The following XPR1 variants were observed in gnomAD, a reference collection of about 807,000 sequenced individuals.
The protein encoded by XPR1 is xenotropic and polytropic retrovirus receptor 1, also known as solute carrier family 53 member 1.
Under a neutral mutation model 87.5 loss-of-function variants are expected in XPR1, and 28 were observed. That is an observed-to-expected ratio of 0.32 (90% CI 0.24 to 0.44). The LOEUF (loss-of-function observed/expected upper bound fraction) is 0.44, where lower values mean the gene tolerates loss of function less well. Among genes scored for constraint, XPR1 ranks in the 20% least tolerant of loss-of-function variants. The probability of loss-of-function intolerance (pLI) is 1.00; values close to 1 mark genes in which losing one functional copy is unlikely to be tolerated. For synonymous variants in XPR1, 300 were observed against 306.1 expected (o/e 0.98, Z 0.21); for missense variants, 559 against 862.3 (o/e 0.65, Z 4.41).
chr1:180,786,024 G>A (rs1319655030), intron 2 of XPR1, among the ~76,000 whole-genome samples: 3 of 151,380 alleles, frequency 2.0e-5, no homozygotes, highest in Non-Finnish European at 4.4e-5. Flanking sequence ...AATTCCCGGT[G>A]ACCTTGGGCA....
chr1:180,732,318 G>C (rs1658583406), intron 2 of XPR1, among the ~76,000 whole-genome samples: 2 of 151,358 alleles, frequency 1.3e-5, no homozygotes, highest in South Asian at 4.2e-4. Context: ...CTATGAATTT[G>C]ATACATTTTC....
At chr1:180,760,822 A>G (rs1647992698) in intron 2 of XPR1, among the ~76,000 whole-genome samples, 1 of 152,224 alleles carries the variant, frequency 6.6e-6, no homozygotes, top group South Asian at 2.1e-4. Context: ...ATCCTAAGCC[A>G]AAAGAAGAAA....
intron 1 of XPR1, among the ~76,000 whole-genome samples, chr1:180,670,634 G>A (rs1656137199): frequency 6.6e-6 from 1 of 152,148 alleles, no homozygotes; most frequent in Non-Finnish European, 1.5e-5. Flanking sequence ...AAAAAATGTA[G>A]TTAAGAACTG....
chr1:180,659,096 CTCCCTCCCTCCCTTCCTCCCTCCCTCCT>C (rs1460436730), intron 1 of XPR1, among the ~76,000 whole-genome samples: 7 of 144,908 alleles, frequency 4.8e-5, no homozygotes, highest in African/African-American at 1.9e-4. Flanking sequence ...TCCTTCCTCC[CTCCCTCCCTCCCTTCCTCCCTCCCTCCT>C]TCCCTCCCTC....
At chr1:180,745,242 A>G (rs1184613429) in intron 2 of XPR1, among the ~76,000 whole-genome samples, 1 of 152,130 alleles carries the variant, frequency 6.6e-6, no homozygotes, top group Non-Finnish European at 1.5e-5. Flanking sequence ...CTGGTCAGAT[A>G]ACTAGGGCTT....
chr1:180,755,740 T>C (rs1194481315), intron 2 of XPR1, among the ~76,000 whole-genome samples: 1 of 152,238 alleles, frequency 6.6e-6, no homozygotes. Flanking sequence ...CCTATTTTTT[T>C]ATGTGCCCTG....
chr1:180,842,887 A>G (rs1651563674), intron 11 of XPR1, among the ~76,000 whole-genome samples: 1 of 152,154 alleles, frequency 6.6e-6, no homozygotes, highest in East Asian at 1.9e-4. Flanking sequence ...ACTTTTTGTT[A>G]GTGTTTGCTA....
intron 11 of XPR1, among the ~76,000 whole-genome samples, chr1:180,848,613 T>C (rs1651767455): frequency 6.6e-6 from 1 of 152,214 alleles, no homozygotes; most frequent in Non-Finnish European, 1.5e-5. Flanking sequence ...TGAATAGTGC[T>C]GCAGTAAACA....
intron 2 of XPR1, among the ~76,000 whole-genome samples, chr1:180,743,164 GTTATTA>G (rs964040022): frequency 3.4e-5 from 5 of 146,696 alleles, no homozygotes; most frequent in African/African-American, 7.5e-5. Flanking sequence ...CTACCATTTT[GTTATTA>G]TTATTATTTT....
At position 180,776,456 on chromosome 1, in the gene XPR1, TTG is replaced by T. The variant is rs1453050461; in HGVS notation, c.122-11295_122-11294del. Among the ~76,000 whole-genome samples, 4 of 151,994 alleles carry T rather than the reference TTG, an allele frequency of 2.6e-5. No homozygotes were observed. In the East Asian group the frequency reaches 7.7e-4, roughly 29 times the overall value. On this transcript the variant is annotated intron_variant, in intron 2 of 14. Transcript: ENST00000367590. ...ACAATTGGATTGTATAATGGAATAA[TTG>T]TATAATGGAAATTATACAATTTCCA...
intron 13 of XPR1, among the ~76,000 whole-genome samples, chr1:180,875,616 A>G (rs1571249877): frequency 1.3e-5 from 2 of 152,098 alleles, no homozygotes; most frequent in East Asian, 3.8e-4. Flanking sequence ...GGAAATGTGT[A>G]ACTTTACATG....
At chr1:180,794,481 G>A (rs1000186115) in intron 3 of XPR1, among the ~76,000 whole-genome samples, 2 of 152,182 alleles carry the variant, frequency 1.3e-5, no homozygotes, top group African/African-American at 4.8e-5. Flanking sequence ...AAATACACCT[G>A]TTGTGTGTAT....
chr1:180,862,704 A>G (rs1652262953), intron 11 of XPR1, among the ~76,000 whole-genome samples: 1 of 152,176 alleles, frequency 6.6e-6, no homozygotes, highest in African/African-American at 2.4e-5. Context: ...AATATAACCT[A>G]AAAGTGGTTA....
At chr1:180,684,911 T>A (rs1429683049) in intron 2 of XPR1, among the ~76,000 whole-genome samples, 1 of 152,178 alleles carries the variant, frequency 6.6e-6, no homozygotes, top group African/African-American at 2.4e-5. Flanking sequence ...TTTCTAGATA[T>A]ACAATCATGT....
intron 2 of XPR1, among the ~76,000 whole-genome samples, chr1:180,781,225 C>T (rs1175893727): frequency 3.3e-5 from 5 of 151,356 alleles, no homozygotes; most frequent in Admixed American, 1.3e-4. Context: ...ATTGTTTCAA[C>T]ATTTACAATT....
intron 14 of XPR1, among the ~76,000 whole-genome samples, chr1:180,881,029 TA>T (rs1028749886): frequency 2.0e-5 from 3 of 152,012 alleles, no homozygotes; most frequent in African/African-American, 7.2e-5. Flanking sequence ...GTAAAGAACA[TA>T]AAGGTAGAAA....
chr1:180,672,212 T>G (rs939277531), intron 1 of XPR1, among the ~76,000 whole-genome samples: 5 of 152,208 alleles, frequency 3.3e-5, no homozygotes, highest in African/African-American at 1.2e-4. Flanking sequence ...AATATACATT[T>G]AGTTTAATCA....
intron 1 of XPR1, among the ~76,000 whole-genome samples, chr1:180,635,531 C>T (rs1291663315): frequency 2.6e-5 from 4 of 152,028 alleles, no homozygotes; most frequent in Non-Finnish European, 5.9e-5. Flanking sequence ...TTTCTCAGGA[C>T]CCAGGAATGA....
At chr1:180,776,863 C>G (rs777609998) in intron 2 of XPR1, among the ~76,000 whole-genome samples, 1 of 151,976 alleles carries the variant, frequency 6.6e-6, no homozygotes, top group African/African-American at 2.4e-5. Context: ...AGTGAAAAGA[C>G]TTTTTTGTGT....
Sources: allele counts gnomAD v4.1 joint callset (sites outside exome capture counted in the v4.1 genomes callset), GRCh38; gene constraint gnomAD v4.1.1; transcripts MANE v1.5; gene names NCBI Gene and HGNC (gene_info 2026-07-23, HGNC 2026-07-21).